The following NLRC5 variants were observed in gnomAD, a reference collection of about 807,000 sequenced individuals.
The protein encoded by NLRC5 is protein NLRC5.
Under a neutral mutation model 206.9 loss-of-function variants are expected in NLRC5, and 114 were observed. That is an observed-to-expected ratio of 0.55 (90% CI 0.47 to 0.64). The LOEUF (loss-of-function observed/expected upper bound fraction) is 0.64, where lower values mean the gene tolerates loss of function less well. Ranked by LOEUF, NLRC5 falls within the 30% of genes least tolerant of loss-of-function variation. NLRC5 has a pLI of 0.00. For missense variants in NLRC5, 2,008 were observed against 2,305.5 expected (o/e 0.87, Z 2.64); for synonymous variants, 952 against 962.8 (o/e 0.99, Z 0.21).
intron 22 of NLRC5, 57 bp downstream of exon 22, chr16:57,046,698 G>C: frequency 7.0e-7 from 1 of 1,434,662 alleles, no homozygotes; most frequent in Non-Finnish European, 9.8e-7. Context: ...AGGCGTCAGA[G>C]GGGGCAGAGC....
intron 35 of NLRC5, 63 bp downstream of exon 35, chr16:57,067,533 A>G: frequency 6.6e-7 from 1 of 1,511,504 alleles, no homozygotes; most frequent in Non-Finnish European, 9.2e-7. Flanking sequence ...TACCTACTCC[A>G]GGCCATGTGT....
At chr16:57,024,448 G>A (rs1255788700) in intron 5 of NLRC5, among the ~76,000 whole-genome samples, 5 of 152,170 alleles carry the variant, frequency 3.3e-5, no homozygotes, top group African/African-American at 4.8e-5. Context: ...ATTCACATCC[G>A]CTCAAAATAG....
At chr16:56,997,227 A>G (rs75961082) in intron 1 of NLRC5, among the ~76,000 whole-genome samples, 1,873 of 152,244 alleles carry the variant, frequency 0.012, 27 homozygotes, top group African/African-American at 0.043. Flanking sequence ...CTGTTTCTTC[A>G]TCTATGAAAT....
At chr16:57,050,790 C>T (rs1245845816) in intron 23 of NLRC5, among the ~76,000 whole-genome samples, 4 of 152,192 alleles carry the variant, frequency 2.6e-5, no homozygotes, top group African/African-American at 9.7e-5. Flanking sequence ...CTTCGCTGAC[C>T]TGTTGTATGC....
intron 1 of NLRC5, among the ~76,000 whole-genome samples, chr16:56,997,081 T>A (rs1263378995): frequency 4.6e-5 from 7 of 152,094 alleles, no homozygotes; most frequent in African/African-American, 1.7e-4. Context: ...CATGTTGCCC[T>A]GGCTGGTCTC....
intron 32 of NLRC5, among the ~76,000 whole-genome samples, chr16:57,063,928 C>A (rs1378076116): frequency 6.7e-6 from 1 of 150,228 alleles, no homozygotes; most frequent in Non-Finnish European, 1.5e-5. Flanking sequence ...TTAGTAGAGA[C>A]GGGGTTTCAC....
intron 1 of NLRC5, among the ~76,000 whole-genome samples, chr16:57,012,125 T>C (rs1054728224): frequency 6.6e-6 from 1 of 152,262 alleles, no homozygotes; most frequent in Non-Finnish European, 1.5e-5. Context: ...TTCTGGATGT[T>C]TTACATAAAT....
At chr16:57,045,869 G>A (rs188532329) in intron 21 of NLRC5, among the ~76,000 whole-genome samples, 5 of 152,350 alleles carry the variant, frequency 3.3e-5, no homozygotes, top group African/African-American at 1.2e-4. Context: ...GCCCTTTCAC[G>A]CTCTGAAGGC....
At chr16:57,073,845 T>A (rs1010373954) in intron 38 of NLRC5, among the ~76,000 whole-genome samples, 1 of 152,204 alleles carries the variant, frequency 6.6e-6, no homozygotes, top group Non-Finnish European at 1.5e-5. Flanking sequence ...TCACCCGCCT[T>A]GGCCTCACAA....
In NLRC5 at chr16:57,063,587, A is replaced by C. The variant is rs149992987; in HGVS notation, c.4155-1625A>C. On this transcript the variant is annotated intron_variant, in intron 32 of 48. Coordinates refer to ENST00000688547, the MANE Select transcript of NLRC5 (RefSeq NM_001384950.1). ...TCAAAAACAATAGAGATGAGGTCTC[A>C]CTGTTTTGCCCAGGATGATCTTGAT... 5.1e-3 allele frequency among the ~76,000 whole-genome samples: 769 copies of C among 152,228 alleles called. 4 individuals are homozygous for C. The highest frequency in any genetic ancestry group is 0.02 in the Middle Eastern group (6 of 294).
intron 15 of NLRC5, 25 bp from the exon 16 acceptor site, chr16:57,039,756 C>T: frequency 1.9e-6 from 3 of 1,608,464 alleles, no homozygotes; most frequent in Non-Finnish European, 2.6e-6. Flanking sequence ...CCTCTCGCTT[C>T]CTCACCCCTC....
At chr16:57,010,280 T>G (rs1023786239) in intron 1 of NLRC5, among the ~76,000 whole-genome samples, 1 of 152,256 alleles carries the variant, frequency 6.6e-6, no homozygotes, top group Non-Finnish European at 1.5e-5. Context: ...TGTCAACTGC[T>G]TTTCCAGTAG....
In NLRC5 at chr16:57,079,031, C is replaced by G; in HGVS notation, c.5082-19C>G. The G allele has an allele frequency of 6.2e-7, 1 of 1,611,302 alleles. No homozygotes were observed. The highest frequency in any genetic ancestry group is 2.2e-5 in the East Asian group (1 of 44,848). On this transcript the variant is annotated intron_variant, in intron 43 of 48. Coordinates refer to ENST00000688547, the MANE Select transcript of NLRC5 (RefSeq NM_001384950.1). ...ACGCCAGTCCCTCAGGCTCCTCTCA[C>G]CCTCTCCTCTTTCCCCAGCCTACCA...
At chr16:56,990,710 AC>A (rs1567487295) in intron 1 of NLRC5, 2 of 151,916 alleles carry the variant, frequency 1.3e-5, no homozygotes, top group Non-Finnish European at 2.9e-5. Flanking sequence ...GGCAGAGAGT[AC>A]CCCGGGGCCA....
rs376105086 is a variant in NLRC5 at position 57,031,471 on chromosome 16, G to A, written c.2477+8G>A. The A allele has an allele frequency of 1.9e-6, 3 of 1,613,788 alleles. No homozygotes were observed. Among genetic ancestry groups the A allele is most frequent in the Non-Finnish European group, 1.7e-6 (2 of 1,179,924 alleles). ...AACTGCAGAGCTACAAAGGTAAGAA[G>A]CCAAGAGGCGGTGGGCCTGGGGCCA... On this transcript the variant is annotated splice_region_variant and intron_variant, in intron 11 of 48. Transcript: ENST00000688547.
In NLRC5 at chr16:57,037,226, G is replaced by A. The variant is rs2143362900; in HGVS notation, c.2743G>A (p.Val915Met). The part of the protein sequence containing the change: ...LSNNGLSVAG[V>M]HCVLRAVSAC... The stretch of plus-strand genomic sequence containing the variant: ...TAACAACGGGCTTTCTGTGGCCGGG[G>A]TGCATTGTGTGCTGAGGGCCGTGAG... Residue 915 changes from valine to methionine, a missense_variant, in exon 15 of 49, where the codon GTG becomes ATG. Val to Met is a conservative substitution (Grantham distance 21). Coordinates refer to ENST00000688547, the MANE Select transcript of NLRC5 (RefSeq NM_001384950.1). 5.6e-6 allele frequency: 9 copies of A among 1,613,816 alleles called. No homozygotes were observed. Among genetic ancestry groups the A allele is most frequent in the Non-Finnish European group, 7.6e-6 (9 of 1,179,964 alleles).
intron 24 of NLRC5, among the ~76,000 whole-genome samples, 158 bp from the exon 25 acceptor site, chr16:57,054,593 C>T (rs896649583): frequency 3.9e-5 from 6 of 152,092 alleles, no homozygotes; most frequent in Non-Finnish European, 8.8e-5. Context: ...TCCAAATCTG[C>T]CTGTCCCTCA....
intron 1 of NLRC5, among the ~76,000 whole-genome samples, chr16:56,998,841 A>T (rs1338664486): frequency 6.6e-6 from 1 of 152,258 alleles, no homozygotes; most frequent in Admixed American, 6.5e-5. Flanking sequence ...CAGCGTGGTT[A>T]CACCAAACTT....
In NLRC5 at chr16:57,065,273, G is replaced by T; in HGVS notation, c.4216G>T (p.Ala1406Ser). 1 of 1,580,788 alleles carries T rather than the reference G, an allele frequency of 6.3e-7. No individual in the cohort carries two copies. The highest frequency in any genetic ancestry group is 1.8e-5 in the Admixed American group (1 of 56,998). Residue 1406 changes from alanine (A) to serine (S), a missense_variant, in exon 33 of 49, where the codon GCC becomes TCC. Transcript: ENST00000688547. ...CTCCCTGTTAGAAGTCTGCGCCCAG[G>T]CCTCAGGCAGTGTCACTGAAATCAG... The part of the protein sequence containing the change: ...VLSLLEVCAQ[A>S]SGSVTEISIS...
Sources: gnomAD v4.1 joint callset for allele counts (sites outside exome capture counted in the v4.1 genomes callset) on GRCh38, gnomAD v4.1.1 for gene constraint, MANE v1.5 for transcripts, NCBI Gene and HGNC (gene_info 2026-07-23, HGNC 2026-07-21) for gene names.